MAP2K5: variants seen among roughly 807,000 people sequenced by gnomAD.
MAP2K5 encodes mitogen-activated protein kinase kinase 5.
A neutral mutation model predicts 83.1 loss-of-function variants in MAP2K5; 49 were observed. That is an observed-to-expected ratio of 0.59 (90% confidence interval 0.47 to 0.75). The LOEUF is 0.75. MAP2K5 is among the 30% of genes least tolerant of loss of function. The pLI is 0.00. For missense variants in MAP2K5, 457 were observed against 557.5 expected (o/e 0.82, Z 1.82); for synonymous variants, 202 against 191.8 (o/e 1.05, Z -0.44).
At chr15:67,742,278 C>A (rs763128151) in intron 17 of MAP2K5, among the ~76,000 whole-genome samples, 4 of 152,158 alleles carry the variant, frequency 2.6e-5, no homozygotes, top group Non-Finnish European at 4.4e-5. Flanking sequence ...AGACAGAATA[C>A]CTATATGTTT....
chr15:67,710,497 GTTTTTTTTTTTTT>G (rs10609519), intron 16 of MAP2K5, among the ~76,000 whole-genome samples: 1 of 81,012 alleles, frequency 1.2e-5, no homozygotes, highest in Non-Finnish European at 2.4e-5. Flanking sequence ...ATCTTCTGAA[GTTTTTTTTTTTTT>G]TTTTTTTTTT....
rs954678777 is a variant in MAP2K5, at chr15:67,698,342, C to G, written c.972+4774C>G. Among the ~76,000 whole-genome samples, 3 of 152,162 alleles carry G rather than the reference C, an allele frequency of 2.0e-5. No homozygotes were observed. The highest frequency in any genetic ancestry group is 2.1e-4 in the South Asian group (1 of 4,808). On this transcript the variant is annotated intron_variant, in intron 15 of 21. Transcript: ENST00000178640. This position sits in a 1 kb window ranked among gnomAD's most constrained non-coding sequence, Gnocchi z 4.5. ...AGCTGGGATTACAGGCGTGCACCAC[C>G]ACGCCCGGCTAATTTTTGTATTTTT...
intron 3 of MAP2K5, among the ~76,000 whole-genome samples, chr15:67,575,161 T>G (rs1055495897): frequency 1.3e-5 from 2 of 152,214 alleles, no homozygotes; most frequent in African/African-American, 2.4e-5. Context: ...TAAAGATTTG[T>G]GATTCATCAG....
intron 16 of MAP2K5, among the ~76,000 whole-genome samples, chr15:67,714,302 T>C (rs77623453): frequency 0.017 from 2,599 of 151,990 alleles, 84 homozygotes; most frequent in African/African-American, 0.06. Flanking sequence ...TAGCATCTTA[T>C]ATGTATTGAG....
chr15:67,584,672 CTTTTTTTTT>C (rs36111747), intron 4 of MAP2K5, among the ~76,000 whole-genome samples: 1 of 106,074 alleles, frequency 9.4e-6, no homozygotes, highest in African/African-American at 4.0e-5. Flanking sequence ...ATATCTTCTC[CTTTTTTTTT>C]TTTTTTTTTT....
In MAP2K5 at chr15:67,748,486, C is replaced by A; in HGVS notation, c.1102-83C>A. The A allele has an allele frequency of 8.6e-7, 1 of 1,162,848 alleles. No individual in the cohort carries two copies. Among genetic ancestry groups the A allele is most frequent in the Non-Finnish European group, 1.3e-6 (1 of 786,548 alleles). 72.0% of individuals were successfully genotyped at this position (1,162,848 alleles called of 1,614,324 possible). A position where few individuals can be genotyped will look rare whatever the true frequency, so the allele number is the denominator to read the frequency against. The stretch of plus-strand genomic sequence containing the variant: ...TGATTAATCTTGCTATATTTTATTG[C>A]ATTAATGATTTTTTCTTTCCACTCC... On this transcript the variant is annotated intron_variant, in intron 18 of 21. Transcript: ENST00000178640. The surrounding 1 kb of genome is among the most constrained non-coding windows in gnomAD (Gnocchi z 4.0).
At chr15:67,647,994 C>T (rs774092088) in intron 11 of MAP2K5, among the ~76,000 whole-genome samples, 16 of 152,086 alleles carry the variant, frequency 1.1e-4, no homozygotes, top group African/African-American at 2.2e-4. Flanking sequence ...GAGCTGTGAT[C>T]GTGCCACTGC....
chr15:67,548,296 G>A (rs569512153), intron 1 of MAP2K5, among the ~76,000 whole-genome samples: 3 of 152,096 alleles, frequency 2.0e-5, no homozygotes, highest in South Asian at 2.1e-4. Context: ...TTTTCCCCTC[G>A]TTTTTTTAAA....
chr15:67,590,809 G>A (rs777300893), intron 6 of MAP2K5, among the ~76,000 whole-genome samples: 4 of 151,988 alleles, frequency 2.6e-5, no homozygotes, highest in Non-Finnish European at 5.9e-5. Context: ...TACTACTACT[G>A]CCACCACAGT....
chr15:67,590,477 T>TCTCTCTCTCACTCTC (rs2085382117), intron 6 of MAP2K5, among the ~76,000 whole-genome samples: 1 of 9,980 alleles, frequency 1.0e-4, no homozygotes, highest in Non-Finnish European at 2.3e-4. Context: ...CTCTCTCTCT[T>TCTCTCTCTCACTCTC]TGTTTCTTTT....
Position 67,783,305 on chromosome 15 carries a change from C to T in MAP2K5, c.1242+10553C>T, listed in dbSNP as rs1399107593. On this transcript the variant is annotated intron_variant, in intron 21 of 21. Coordinates refer to ENST00000178640, the MANE Select transcript of MAP2K5 (RefSeq NM_145160.3). This position sits in a 1 kb window ranked among gnomAD's most constrained non-coding sequence, Gnocchi z 5.1. ...AGAATTGCCAGAGACCCCCGCTCAC[C>T]TTCTCCTCCCACCCTCACCTACCCC... Among the ~76,000 whole-genome samples the T allele has an allele frequency of 2.0e-5, 3 of 152,184 alleles. No individual in the cohort carries two copies. The East Asian group carries it at 5.8e-4, about 29-fold the overall frequency.
chr15:67,634,641 T>G (rs1248375150), intron 9 of MAP2K5, among the ~76,000 whole-genome samples: 2 of 152,166 alleles, frequency 1.3e-5, no homozygotes, highest in African/African-American at 2.4e-5. Context: ...TTATGTCCTC[T>G]TGATAAATCG....
chr15:67,695,108 G>A (rs1383186949), intron 15 of MAP2K5, among the ~76,000 whole-genome samples: 6 of 147,052 alleles, frequency 4.1e-5, no homozygotes, highest in Non-Finnish European at 9.0e-5. Context: ...GGGGACTGTT[G>A]TGGGTTGGGG....
intron 8 of MAP2K5, among the ~76,000 whole-genome samples, chr15:67,617,846 A>G (rs1596656975): frequency 6.6e-6 from 1 of 152,048 alleles, no homozygotes; most frequent in East Asian, 1.9e-4. Flanking sequence ...ATGTGCCACC[A>G]TGCCCAGCTA....
rs1162639533 is a variant in MAP2K5, at chr15:67,779,223, G to C, written c.1242+6471G>C. Among the ~76,000 whole-genome samples, 1 of 152,118 alleles carries C rather than the reference G, an allele frequency of 6.6e-6. No homozygotes were observed. Among genetic ancestry groups the C allele is most frequent in the African/African-American group, 2.4e-5 (1 of 41,400 alleles). On this transcript the variant is annotated intron_variant, in intron 21 of 21. Transcript: ENST00000178640. The surrounding 1 kb of genome is among the most constrained non-coding windows in gnomAD (Gnocchi z 4.6). The stretch of plus-strand genomic sequence containing the variant: ...TGACAACCATGGAATTTTTTTTTAA[G>C]TTCTGAAGGCCATTAAAATCATCTG...
chr15:67,605,836 C>T (rs549846182), intron 8 of MAP2K5, among the ~76,000 whole-genome samples: 1 of 152,260 alleles, frequency 6.6e-6, no homozygotes, highest in Admixed American at 6.5e-5. Context: ...TTTAGTGGGG[C>T]TCTTTCATTG....
In MAP2K5 at chr15:67,769,575, T is replaced by C; in HGVS notation, c.1135-27T>C. 6.2e-7 allele frequency: 1 copy of C among 1,610,844 alleles called. No homozygotes were observed. The highest frequency in any genetic ancestry group is 1.3e-5 in the African/African-American group (1 of 74,956). On this transcript the variant is annotated intron_variant, in intron 19 of 21. Transcript: ENST00000178640. This position sits in a 1 kb window ranked among gnomAD's most constrained non-coding sequence, Gnocchi z 5.2. The stretch of plus-strand genomic sequence containing the variant: ...AAAGAGAAGGAACTGTTGTGACTTT[T>C]GGTGACATGTTTTTCCTCCATCACA...
intron 2 of MAP2K5, among the ~76,000 whole-genome samples, chr15:67,560,979 T>C (rs1049672661): frequency 1.2e-4 from 18 of 152,316 alleles, no homozygotes; most frequent in Middle Eastern, 3.4e-3. Flanking sequence ...TTGCCCATCC[T>C]ATGTGAACAA....
At chr15:67,664,569 T>C in intron 12 of MAP2K5, 28 bp from the exon 13 acceptor site, 2 of 1,355,248 alleles carry the variant, frequency 1.5e-6, no homozygotes, top group South Asian at 1.2e-5. Flanking sequence ...AATTGATAAT[T>C]GTACTGTTTT....
Sources: gnomAD v4.1 joint callset for allele counts (sites outside exome capture counted in the v4.1 genomes callset) on GRCh38, gnomAD v4.1.1 for gene constraint, Gnocchi (gnomAD v3.1) non-coding constraint, MANE v1.5 for transcripts, NCBI Gene and HGNC (gene_info 2026-07-23, HGNC 2026-07-21) for gene names.